The following PCDHA6 variants were observed in gnomAD, a reference collection of about 807,000 sequenced individuals.
The protein encoded by PCDHA6 is protocadherin alpha-6.
PCDHA6 carries 55 observed loss-of-function variants against 60.3 expected under a neutral mutation model. The observed-to-expected ratio is 0.91, with a 90% confidence interval of 0.73 to 1.14. The LOEUF (loss-of-function observed/expected upper bound fraction) is 1.14, where lower values mean the gene tolerates loss of function less well. PCDHA6 is among the 50% of genes most tolerant of loss of function. PCDHA6 has a pLI of 0.00. For missense variants in PCDHA6, 1,327 were observed against 1,256.5 expected, an observed-to-expected ratio of 1.06 and a Z score of -0.85; for synonymous variants, 652 against 557.9, an observed-to-expected ratio of 1.17 and a Z score of -2.38.
intron 1 of PCDHA6, among the ~76,000 whole-genome samples, chr5:140,947,198 TA>T (rs1554218091): frequency 1.3e-5 from 2 of 151,312 alleles, no homozygotes; most frequent in African/African-American, 4.8e-5. Flanking sequence ...TACACAGCCT[TA>T]AAAAAAGAAA....
In PCDHA6 at chr5:141,010,929, T is replaced by G. The variant is rs782088449; in HGVS notation, c.*992T>G. 1 of 153,778 alleles carries G rather than the reference T, an allele frequency of 6.5e-6. No homozygotes were observed. Among genetic ancestry groups the G allele is most frequent in the Non-Finnish European group, 1.5e-5 (1 of 68,048 alleles). 9.5% of individuals were successfully genotyped at this position (153,778 alleles called of 1,614,324 possible). A position where few individuals can be genotyped will look rare whatever the true frequency, so the allele number is the denominator to read the frequency against. ...AAACTCTCCTCAAAAGAGAATTCAG[T>G]CTACAGCCATTTAAATGATCATTGC... On this transcript the variant is annotated 3_prime_UTR_variant, in exon 4 of 4. Transcript: ENST00000529310.
chr5:140,846,716 T>A (rs1562434614), intron 1 of PCDHA6, among the ~76,000 whole-genome samples: 1 of 149,312 alleles, frequency 6.7e-6, no homozygotes, highest in Non-Finnish European at 1.5e-5. Context: ...TAATAACCAG[T>A]CTTCATTAAA....
At chr5:140,836,761 T>C in intron 1 of PCDHA6, 2 of 1,569,180 alleles carry the variant, frequency 1.3e-6, no homozygotes, top group Non-Finnish European at 1.7e-6. Flanking sequence ...TAATCTTGTT[T>C]CCAACAATTT....
chr5:140,873,246 T>C (rs1554166632), intron 1 of PCDHA6, among the ~76,000 whole-genome samples: 1 of 152,142 alleles, frequency 6.6e-6, no homozygotes, highest in African/African-American at 2.4e-5. Flanking sequence ...ATATAAAATA[T>C]TTCAGACTCA....
At chr5:140,883,332 T>C (rs2059555585) in intron 1 of PCDHA6, 3 of 1,614,174 alleles carry the variant, frequency 1.9e-6, no homozygotes, top group Non-Finnish European at 2.5e-6. Flanking sequence ...ATCACTTCTT[T>C]GTCACTCCCC....
intron 1 of PCDHA6, among the ~76,000 whole-genome samples, chr5:140,925,244 G>A (rs1403438242): frequency 1.3e-5 from 2 of 152,070 alleles, no homozygotes; most frequent in African/African-American, 4.8e-5. Context: ...AATATGTCCT[G>A]GAAACTTTAA....
At chr5:140,939,441 T>A (rs1471285631) in intron 1 of PCDHA6, among the ~76,000 whole-genome samples, 1 of 152,274 alleles carries the variant, frequency 6.6e-6, no homozygotes, top group East Asian at 1.9e-4. Flanking sequence ...TTTGAAGAAT[T>A]AAGAGTGAAA....
chr5:141,010,398 G>C lies in PCDHA6; in HGVS notation c.*461G>C. The C allele has an allele frequency of 7.6e-7, 1 of 1,323,994 alleles. No individual in the cohort carries two copies. Among genetic ancestry groups the C allele is most frequent in the South Asian group, 1.5e-5 (1 of 66,476 alleles). 82.0% of individuals were successfully genotyped at this position (1,323,994 alleles called of 1,614,324 possible). A position where few individuals can be genotyped will look rare whatever the true frequency, so the allele number is the denominator to read the frequency against. ...GCCAGATATTGGCTGAGACGAGCCA[G>C]CTTAGACTAATTGGTACAAGGAAGG... On this transcript the variant is annotated 3_prime_UTR_variant, in exon 4 of 4. Transcript: ENST00000529310.
intron 1 of PCDHA6, chr5:140,883,398 G>C: frequency 6.2e-7 from 1 of 1,614,166 alleles, no homozygotes; most frequent in Non-Finnish European, 8.5e-7. Context: ...GTGTCCGATC[G>C]TGACTCTGGC....
chr5:140,992,400 T>C (rs1019164556), intron 3 of PCDHA6, among the ~76,000 whole-genome samples: 1 of 152,124 alleles, frequency 6.6e-6, no homozygotes, highest in Admixed American at 6.5e-5. Context: ...CTTAGAGATA[T>C]TGTTCTGCCC....
At chr5:140,882,871 C>T in intron 1 of PCDHA6, 1 of 1,614,164 alleles carries the variant, frequency 6.2e-7, no homozygotes, top group East Asian at 2.2e-5. Flanking sequence ...AAACACTGGA[C>T]AGAGAGGAAA....
intron 1 of PCDHA6, among the ~76,000 whole-genome samples, chr5:140,939,224 C>T (rs761211778): frequency 8.5e-5 from 13 of 152,130 alleles, no homozygotes; most frequent in Admixed American, 4.6e-4. Context: ...TGTCTCTTCA[C>T]CTTCTGGAAG....
chr5:140,851,821 C>G, intron 1 of PCDHA6: 1 of 958,244 alleles, frequency 1.0e-6, no homozygotes, highest in Non-Finnish European at 1.3e-6. Context: ...AGACAGAAAT[C>G]TGTTTTTTTA....
At chr5:140,883,759 G>C (rs1554179777) in intron 1 of PCDHA6, 1 of 1,612,822 alleles carries the variant, frequency 6.2e-7, no homozygotes, top group Non-Finnish European at 8.5e-7. Context: ...TGGTGGAGCG[G>C]CGGGTGGGCG....
At chr5:140,851,413 C>A in intron 1 of PCDHA6, 1 of 961,744 alleles carries the variant, frequency 1.0e-6, no homozygotes, top group Non-Finnish European at 1.3e-6. Flanking sequence ...AAGAAAGAAA[C>A]TTCCCCTAAA....
At chr5:140,979,494 A>C (rs1284874558) in intron 2 of PCDHA6, among the ~76,000 whole-genome samples, 6 of 152,010 alleles carry the variant, frequency 3.9e-5, no homozygotes, top group African/African-American at 1.2e-4. Flanking sequence ...CACCTATTAG[A>C]GCCTCCTCAT....
In PCDHA6 at chr5:140,858,397, C is replaced by T. The variant is rs781916951; in HGVS notation, c.2394+27912C>T. On this transcript the variant is annotated intron_variant, in intron 1 of 3. Coordinates refer to ENST00000529310, the MANE Select transcript of PCDHA6 (RefSeq NM_018909.4). ...CACCATGCCCAATGGTAGATGTGGA[C>T]GGGGAAGATCAGTCTATTGGAGGGG... is the stretch of plus-strand genomic sequence containing the variant. 2.5e-6 allele frequency: 4 copies of T among 1,573,184 alleles called. No individual in the cohort carries two copies. In the South Asian group the frequency reaches 4.5e-5, roughly 18 times the overall value.
At chr5:140,963,146 T>C (rs1230280019) in intron 1 of PCDHA6, among the ~76,000 whole-genome samples, 2 of 152,074 alleles carry the variant, frequency 1.3e-5, no homozygotes, top group African/African-American at 4.8e-5. Flanking sequence ...TTTGGATGAA[T>C]TTAAAAATGA....
In PCDHA6 at chr5:140,924,907, AAAATAAAAT is replaced by A. The variant is rs1563068988; in HGVS notation, c.2395-54038_2395-54030del. 7.1e-4 allele frequency among the ~76,000 whole-genome samples: 36 copies of A among 50,968 alleles called. 1 individual carries two copies. The highest frequency in any genetic ancestry group is 1.7e-3 in the African/African-American group (12 of 7,266). The allele number at this position is 50,968 out of a possible 152,430, so 33.4% of individuals were successfully genotyped here. ...AAGAACCTGTCTCAAAAAAAAAAAT[AAAATAAAAT>A]AAAATAAAATAAAATAAAATAAAAA... On this transcript the variant is annotated intron_variant, in intron 1 of 3. Transcript: ENST00000529310.
Sources: allele counts gnomAD v4.1 joint callset (sites outside exome capture counted in the v4.1 genomes callset), GRCh38; gene constraint gnomAD v4.1.1; transcripts MANE v1.5; gene names NCBI Gene and HGNC (gene_info 2026-07-23, HGNC 2026-07-21).